Variants in CALN1 observed in about 807,000 individuals in gnomAD.
CALN1 encodes the protein calcium-binding protein 8.
CALN1 carries 17 observed loss-of-function variants against 30.6 expected under a neutral mutation model. The ratio of observed to expected loss-of-function variants is 0.56; its 90% CI spans 0.38 to 0.83. CALN1 has a LOEUF of 0.83. CALN1 is among the 40% of genes least tolerant of loss of function. The pLI, the probability that CALN1 is intolerant of heterozygous loss-of-function variation, is 0.00. For missense variants in CALN1, 291 were observed against 354.9 expected (o/e 0.82, Z 1.45); for synonymous variants, 156 against 131.4 (o/e 1.19, Z -1.28).
the CALN1 span, among the ~76,000 whole-genome samples, chr7:72,458,276 T>G: frequency 0.012 from 808 of 64,948 alleles, 30 homozygotes; most frequent in African/African-American, 0.025. Context: ...CTATATTATA[T>G]AATATATTTT....
the CALN1 span, among the ~76,000 whole-genome samples, chr7:72,499,758 C>T: frequency 8.0e-5 from 12 of 149,820 alleles, no homozygotes; most frequent in African/African-American, 2.5e-4. Context: ...TGCATACTTC[C>T]GCAAAACTTT....
the CALN1 span, among the ~76,000 whole-genome samples, chr7:72,490,688 G>A: frequency 3.3e-5 from 5 of 152,126 alleles, no homozygotes; most frequent in Non-Finnish European, 5.9e-5. Flanking sequence ...TTTAAAGTGT[G>A]TAGTACTTCC....
intron 4 of CALN1, among the ~76,000 whole-genome samples, chr7:72,102,488 A>G (rs1806747241): frequency 6.6e-6 from 1 of 152,070 alleles, no homozygotes; most frequent in African/African-American, 2.4e-5. Flanking sequence ...TTTTCCAGTG[A>G]GGTTGTATGC....
intron 3 of CALN1, among the ~76,000 whole-genome samples, chr7:72,143,207 AAAG>A (rs1810084459): frequency 6.6e-6 from 1 of 152,314 alleles, no homozygotes; most frequent in African/African-American, 2.4e-5. Flanking sequence ...AACCCAACGC[AAAG>A]AAGTTAAAAA....
At chr7:72,061,326 C>G (rs1803632603) in intron 4 of CALN1, among the ~76,000 whole-genome samples, 1 of 152,154 alleles carries the variant, frequency 6.6e-6, no homozygotes, top group Non-Finnish European at 1.5e-5. Flanking sequence ...TTGGAATTAT[C>G]TGAAAAAGAT....
intron 3 of CALN1, among the ~76,000 whole-genome samples, 173 bp downstream of exon 3, chr7:72,278,513 A>ACACACG (rs1468624897): frequency 7.1e-6 from 1 of 141,356 alleles, no homozygotes; most frequent in Non-Finnish European, 1.5e-5. Flanking sequence ...ACACACACAC[A>ACACACG]CGTCACTTGG....
intron 4 of CALN1, among the ~76,000 whole-genome samples, chr7:72,097,922 C>A (rs990705252): frequency 6.6e-6 from 1 of 152,116 alleles, no homozygotes; most frequent in Non-Finnish European, 1.5e-5. Context: ...CCATATTGGC[C>A]AGGCCGGTCT....
At chr7:72,250,449 C>A (rs531982971) in intron 3 of CALN1, among the ~76,000 whole-genome samples, 1 of 152,304 alleles carries the variant, frequency 6.6e-6, no homozygotes, top group South Asian at 2.1e-4. Context: ...GATAGCCTGG[C>A]TCCTGCACCC....
At chr7:72,225,060 C>A (rs1378204057) in intron 3 of CALN1, among the ~76,000 whole-genome samples, 3 of 151,866 alleles carry the variant, frequency 2.0e-5, no homozygotes, top group African/African-American at 7.3e-5. Flanking sequence ...AGAGATCACG[C>A]CACTGCACTC....
chr7:72,016,411 G>T, intron 5 of CALN1, among the ~76,000 whole-genome samples: 1 of 151,534 alleles, frequency 6.6e-6, no homozygotes, highest in African/African-American at 2.4e-5. Context: ...ACTGTCCATG[G>T]GTCAAGAATT....
chr7:71,833,529 C>A (rs952451647), intron 5 of CALN1, among the ~76,000 whole-genome samples: 2 of 146,298 alleles, frequency 1.4e-5, no homozygotes, highest in South Asian at 2.2e-4. Flanking sequence ...AATCTAGTGA[C>A]AGCCATGAGA....
intron 2 of CALN1, among the ~76,000 whole-genome samples, chr7:72,378,614 G>A (rs566206324): frequency 1.2e-4 from 18 of 151,334 alleles, no homozygotes; most frequent in South Asian, 4.2e-4. Context: ...TACTGTAGTC[G>A]TCTTACACAT....
At chr7:72,240,770 G>C (rs1474357244) in intron 3 of CALN1, among the ~76,000 whole-genome samples, 2 of 152,194 alleles carry the variant, frequency 1.3e-5, no homozygotes, top group Non-Finnish European at 2.9e-5. Flanking sequence ...CTTGGAGAAA[G>C]AATCACTAAT....
intron 2 of CALN1, among the ~76,000 whole-genome samples, chr7:72,390,934 C>T (rs1453404789): frequency 6.6e-6 from 1 of 152,208 alleles, no homozygotes; most frequent in Non-Finnish European, 1.5e-5. Context: ...CCTCACCAGA[C>T]TGCCAAAGGG....
chr7:72,481,713 C>G, the CALN1 span, among the ~76,000 whole-genome samples: 1 of 152,080 alleles, frequency 6.6e-6, no homozygotes, highest in African/African-American at 2.4e-5. Context: ...TTCTTTAACC[C>G]GTGGGTTTTT....
At chr7:71,903,383 C>T (rs921336100) in intron 5 of CALN1, among the ~76,000 whole-genome samples, 5 of 152,036 alleles carry the variant, frequency 3.3e-5, no homozygotes, top group Admixed American at 3.3e-4. Flanking sequence ...GAATAAAAAG[C>T]CCAGAAATAA....
rs776873426 is a variant in CALN1, at chr7:72,106,120, T to C, written c.388+31A>G. 8 of 1,609,172 alleles carry C rather than the reference T, an allele frequency of 5.0e-6. No homozygotes were observed. The South Asian group carries it at 8.8e-5, about 18-fold the overall frequency. On this transcript the variant is annotated intron_variant, in intron 4 of 6. Transcript: ENST00000395275. Reference sequence around the variant, plus strand: ...CTCACTGATGAGACCGGGGCATGTCTCAGGGGAGAAGCTGCTTGTCCGGGT... The same window carrying C: ...CTCACTGATGAGACCGGGGCATGTCCCAGGGGAGAAGCTGCTTGTCCGGGT...
intron 4 of CALN1, among the ~76,000 whole-genome samples, chr7:72,067,646 T>C (rs139919743): frequency 3.9e-5 from 6 of 152,256 alleles, no homozygotes; most frequent in African/African-American, 1.4e-4. Flanking sequence ...TATCTCTCAA[T>C]AAAAAGTTAT....
chr7:72,312,303 C>G (rs923851752), intron 2 of CALN1, among the ~76,000 whole-genome samples: 1 of 149,292 alleles, frequency 6.7e-6, no homozygotes, highest in African/African-American at 2.5e-5. Flanking sequence ...ACTCGGGAGG[C>G]TGAGGCAGGA....
Sources: allele counts gnomAD v4.1 joint callset (sites outside exome capture counted in the v4.1 genomes callset), GRCh38; gene constraint gnomAD v4.1.1; transcripts MANE v1.5; gene names NCBI Gene and HGNC (gene_info 2026-07-23, HGNC 2026-07-21).